Variants in TUBGCP4 observed in about 807,000 individuals in gnomAD.
TUBGCP4 encodes gamma-tubulin complex component 4.
A neutral mutation model predicts 91.6 loss-of-function variants in TUBGCP4; 54 were observed. The ratio of observed to expected loss-of-function variants is 0.59; its 90% confidence interval spans 0.47 to 0.74. The LOEUF is 0.74. TUBGCP4 is among the 30% of genes least tolerant of loss of function. TUBGCP4 has a pLI of 0.00. For synonymous variants in TUBGCP4, 297 were observed against 302.8 expected, an observed-to-expected ratio of 0.98 and a Z score of 0.20; for missense variants, 593 against 800.9, an observed-to-expected ratio of 0.74 and a Z score of 3.13.
Position 43,386,377 on chromosome 15 carries a change from A to ATTTTT in TUBGCP4, c.1014+66_1014+70dup, listed in dbSNP as rs748820688. On this transcript the variant is annotated intron_variant, in intron 9 of 17. Coordinates refer to ENST00000564079, the MANE Select transcript of TUBGCP4 (RefSeq NM_014444.5). ...TATATATATATATATATATATATAT[A>ATTTTT]TTTTTTTTTTTTTTTTTTTTTTTCT... 2.9e-3 allele frequency: 55 copies of ATTTTT among 19,118 alleles called. 2 individuals carry two copies. The highest frequency in any genetic ancestry group is 3.7e-3 in the South Asian group (1 of 270). The allele number at this position is 19,118 out of a possible 1,614,324, so 1.2% of individuals were successfully genotyped here.
Position 43,400,157 on chromosome 15 carries a change from C to T in TUBGCP4, c.1532C>T (p.Ala511Val). ...RKHLKSNQTD[A>V]IKWRLRNHMA... ...CACCTCAAGTCGAACCAGACTGATG[C>T]AATCAAGTGGCGCCTAAGAAATCAC... The change falls in exon 14 of 18, where the codon GCA (alanine) becomes GTA (valine). Residue 511 changes from alanine to valine, a missense_variant. Physicochemically the swap from Ala to Val is moderately conservative, Grantham distance 64. Coordinates refer to ENST00000564079, the MANE Select transcript of TUBGCP4 (RefSeq NM_014444.5). The T allele has an allele frequency of 6.2e-7, 1 of 1,614,178 alleles. No homozygotes were observed. Among genetic ancestry groups the T allele is most frequent in the Non-Finnish European group, 8.5e-7 (1 of 1,180,034 alleles).
chr15:43,396,109 C>G (rs1317188497), intron 11 of TUBGCP4, among the ~76,000 whole-genome samples: 1 of 151,192 alleles, frequency 6.6e-6, no homozygotes, highest in African/African-American at 2.4e-5. Flanking sequence ...TCGATTCATT[C>G]TCTCTCTCTC....
Position 43,377,995 on chromosome 15 carries a change from T to G in TUBGCP4, c.441+92T>G, listed in dbSNP as rs1029613988. 11 of 908,970 alleles carry G rather than the reference T, an allele frequency of 1.2e-5. No homozygotes were observed. In the Admixed American group the frequency reaches 3.0e-4, roughly 25 times the overall value. 56.3% of individuals were successfully genotyped at this position (908,970 alleles called of 1,614,324 possible). A position where few individuals can be genotyped will look rare whatever the true frequency, so the allele number is the denominator to read the frequency against. ...TTACATTATTTTTCGAAGACCCTAG[T>G]TTTTAGTAGTTTTTATTTATTCATT... On this transcript the variant is annotated intron_variant, in intron 5 of 17. Coordinates refer to ENST00000564079, the MANE Select transcript of TUBGCP4 (RefSeq NM_014444.5).
Position 43,408,174 on chromosome 15 carries a change from A to AT in TUBGCP4, c.*2961dup. The AT allele has an allele frequency of 7.4e-7, 1 of 1,350,044 alleles. No individual in the cohort carries two copies. The highest frequency in any genetic ancestry group is 1.4e-5 in the South Asian group (1 of 73,810). The allele number at this position is 1,350,044 out of a possible 1,614,324, so 83.6% of individuals were successfully genotyped here. A position where few individuals can be genotyped will look rare whatever the true frequency, so the allele number is the denominator to read the frequency against. ...TGCAAAGGGACTCATGTACATCTGA[A>AT]TGCTTTCAAAAATAAATGCCCCATC... On this transcript the variant is annotated 3_prime_UTR_variant, in exon 18 of 18. Transcript: ENST00000564079.
rs1401321918 is a variant in TUBGCP4 at position 43,386,344 on chromosome 15, CGTATATATATATATAT to C, written c.1014+15_1014+30del. The C allele has an allele frequency of 3.0e-3, 745 of 245,596 alleles. 110 individuals are homozygous for C. Among genetic ancestry groups the C allele is most frequent in the Non-Finnish European group, 4.1e-3 (626 of 152,308 alleles). 15.2% of individuals were successfully genotyped at this position (245,596 alleles called of 1,614,324 possible). On this transcript the variant is annotated intron_variant, in intron 9 of 17. Transcript: ENST00000564079. ...ACTGTGGCTGAGGTTTGTGTTTCAT[CGTATATATATATATAT>C]ATATATATATATATATATTTTTTTT... is the stretch of plus-strand genomic sequence containing the variant.
Position 43,409,631 on chromosome 15 carries a change from C to G in TUBGCP4, c.*4417C>G, listed in dbSNP as rs756337514. The G allele has an allele frequency of 1.4e-6, 2 of 1,459,674 alleles. No homozygotes were observed. Among genetic ancestry groups the G allele is most frequent in the Non-Finnish European group, 1.9e-6 (2 of 1,079,564 alleles). The allele number at this position is 1,459,674 out of a possible 1,614,324, so 90.4% of individuals were successfully genotyped here. ...ATCATTGCCACTATATTAGGTTACA[C>G]AAAGAAACTCCTCACCTGGGCTTCA... On this transcript the variant is annotated 3_prime_UTR_variant, in exon 18 of 18. Transcript: ENST00000564079.
At chr15:43,374,555 T>C (rs1032641660) in intron 1 of TUBGCP4, among the ~76,000 whole-genome samples, 1 of 151,990 alleles carries the variant, frequency 6.6e-6, no homozygotes, top group Non-Finnish European at 1.5e-5. Context: ...AAGGTTACAG[T>C]GAGCTATGAA....
At chr15:43,393,108 T>A (rs1317412987) in intron 9 of TUBGCP4, among the ~76,000 whole-genome samples, 1 of 152,262 alleles carries the variant, frequency 6.6e-6, no homozygotes, top group African/African-American at 2.4e-5. Flanking sequence ...CATGTTGCAT[T>A]TATCAATGGT....
At chr15:43,373,265 C>T (rs1301689950) in intron 1 of TUBGCP4, among the ~76,000 whole-genome samples, 1 of 152,158 alleles carries the variant, frequency 6.6e-6, no homozygotes, top group African/African-American at 2.4e-5. Context: ...TCAGCCTGTT[C>T]CTATAACTGT....
chr15:43,395,592 G>T lies in TUBGCP4; in HGVS notation c.1075G>T (p.Asp359Tyr), dbSNP rs769352759. 7 of 1,613,608 alleles carry T rather than the reference G, an allele frequency of 4.3e-6. No homozygotes were observed. Among genetic ancestry groups the T allele is most frequent in the Middle Eastern group, 1.6e-4 (1 of 6,082 alleles). ...GAAATTCTTTCCTCAGATCATTAAA[G>T]ACTTTTACCTTCTGGGACGTGGAGA... The part of the protein sequence containing the change: ...DLLGQLKIIK[D>Y]FYLLGRGELF... Residue 359 changes from aspartate (D) to tyrosine (Y), a missense_variant, in exon 11 of 18, where the codon GAC (aspartate) becomes TAC (tyrosine). Physicochemically the swap from Asp to Tyr is radical, Grantham distance 160. Transcript: ENST00000564079.
intron 9 of TUBGCP4, 70 bp from the exon 10 acceptor site, chr15:43,395,037 A>C: frequency 6.5e-7 from 1 of 1,539,236 alleles, no homozygotes; most frequent in Non-Finnish European, 9.0e-7. Flanking sequence ...CTGGATTTGT[A>C]TGGAACCATT....
At chr15:43,402,561 G>A (rs2044708805) in intron 15 of TUBGCP4, 1 of 152,206 alleles carries the variant, frequency 6.6e-6, no homozygotes, top group South Asian at 2.1e-4. Context: ...CTAGAGTAGT[G>A]TTTCTCTCTC....
chr15:43,404,780 G>C, intron 17 of TUBGCP4: 2 of 554,392 alleles, frequency 3.6e-6, no homozygotes, highest in Admixed American at 3.2e-5. Flanking sequence ...TAGGTGTTAA[G>C]TCCTTTGCTA....
intron 7 of TUBGCP4, chr15:43,385,418 C>T (rs2044340732): frequency 2.2e-6 from 1 of 460,954 alleles, no homozygotes; most frequent in Non-Finnish European, 4.3e-6. Context: ...GAGGAAAAGA[C>T]AGTCTGGGAC....
At chr15:43,404,247 T>C (rs1253584262) in intron 16 of TUBGCP4, 166 bp from the exon 17 acceptor site, 2 of 730,548 alleles carry the variant, frequency 2.7e-6, no homozygotes, top group Non-Finnish European at 4.4e-6. Flanking sequence ...ATGGATTTGG[T>C]ACAAGTCATT....
intron 14 of TUBGCP4, among the ~76,000 whole-genome samples, chr15:43,401,477 A>G (rs2044678169): frequency 7.1e-6 from 1 of 140,870 alleles, no homozygotes; most frequent in Non-Finnish European, 1.6e-5. Flanking sequence ...AAAAAGAGAA[A>G]AGGATGGGGC....
intron 17 of TUBGCP4, chr15:43,404,876 C>T: frequency 4.1e-6 from 2 of 486,962 alleles, no homozygotes; most frequent in Non-Finnish European, 7.3e-6. Flanking sequence ...GGCACCCCGC[C>T]TTGCTGGTCC....
chr15:43,376,287 C>A, intron 2 of TUBGCP4, 61 bp downstream of exon 2: 2 of 1,609,256 alleles, frequency 1.2e-6, no homozygotes, highest in Non-Finnish European at 1.7e-6. Context: ...CAAGCTTTCA[C>A]CTCTAGAGGG....
rs2044927471 is a variant in TUBGCP4 at position 43,407,149 on chromosome 15, G to GAAAGT, written c.*1937_*1941dup. On this transcript the variant is annotated 3_prime_UTR_variant, in exon 18 of 18. Coordinates refer to ENST00000564079, the MANE Select transcript of TUBGCP4 (RefSeq NM_014444.5). The stretch of plus-strand genomic sequence containing the variant: ...GAATAAGCCTGTTGAAAGACTCAGA[G>GAAAGT]AAAGTACTATGTCTTGTCATTTGTT... The GAAAGT allele has an allele frequency of 4.2e-6, 2 of 471,422 alleles. No homozygotes were observed. Among genetic ancestry groups the GAAAGT allele is most frequent in the East Asian group, 3.5e-5 (1 of 28,362 alleles). 29.2% of individuals were successfully genotyped at this position (471,422 alleles called of 1,614,324 possible). A position where few individuals can be genotyped will look rare whatever the true frequency, so the allele number is the denominator to read the frequency against.
Sources: allele counts gnomAD v4.1 joint callset (sites outside exome capture counted in the v4.1 genomes callset), GRCh38; gene constraint gnomAD v4.1.1; transcripts MANE v1.5; gene names NCBI Gene and HGNC (gene_info 2026-07-23, HGNC 2026-07-21).